The following MCF2 variants were observed in gnomAD, a reference collection of about 807,000 sequenced individuals.
MCF2 encodes MCF.2 cell line derived transforming sequence, also known as proto-oncogene DBL.
In MCF2, 44 loss-of-function variants were observed where a neutral mutation model predicts 82.5. That is an observed-to-expected ratio of 0.53 (90% CI 0.42 to 0.69). The LOEUF (loss-of-function observed/expected upper bound fraction) is 0.69, where lower values mean the gene tolerates loss of function less well. Among genes scored for constraint, MCF2 ranks in the 30% least tolerant of loss-of-function variants. The pLI is 0.00. For missense variants in MCF2, 623 were observed against 663.1 expected (o/e 0.94, Z 0.66); for synonymous variants, 217 against 224.9 (o/e 0.96, Z 0.32).
At position 139,695,147 on chromosome X, in the gene MCF2, C is replaced by T. The variant is rs372588373; in HGVS notation, c.-45+12959G>A. Among the ~76,000 whole-genome samples the T allele has an allele frequency of 2.8e-5, 3 of 109,080 alleles. No homozygotes were observed. The East Asian group carries it at 8.8e-4, about 32-fold the overall frequency. 94.7% of individuals were successfully genotyped at this position (109,080 alleles called of 115,157 possible). A position where few individuals can be genotyped will look rare whatever the true frequency, so the allele number is the denominator to read the frequency against. ...CTGGGTTCAAGCAATTCTGCTGCCT[C>T]AGCCTCCTGAGTAGCTGGGATTACA... On this transcript the variant is annotated intron_variant, in intron 1 of 27. Coordinates refer to the MCF2 transcript ENST00000414978.
At chrX:139,626,681 C>G (rs1334840666) in exon 5 of MCF2, 1 of 1,205,990 alleles carries the variant, frequency 8.3e-7, no homozygotes, top group Admixed American at 2.2e-5. Context: ...CTTGAACTGA[C>G]AGCTCCTTCA....
chrX:139,699,729 A>G (rs1011289662), intron 1 of MCF2, among the ~76,000 whole-genome samples: 9 of 112,189 alleles, frequency 8.0e-5, no homozygotes, highest in Admixed American at 2.8e-4. Context: ...GCTAGACCAT[A>G]TTTTGTTTAT....
intron 1 of MCF2, among the ~76,000 whole-genome samples, 168 bp downstream of exon 1, chrX:139,707,937 CT>C (rs1392404884): frequency 4.5e-5 from 5 of 111,654 alleles, no homozygotes; most frequent in African/African-American, 1.6e-4. Flanking sequence ...GCACTGTGTC[CT>C]GCAAATCATT....
chrX:139,628,305 G>A (rs1472186956), intron 4 of MCF2, among the ~76,000 whole-genome samples: 2 of 111,769 alleles, frequency 1.8e-5, no homozygotes, highest in South Asian at 3.8e-4. Flanking sequence ...AAAAAAGAAC[G>A]AGATCATGTC....
intron 7 of MCF2, among the ~76,000 whole-genome samples, chrX:139,619,001 T>C (rs972959501): frequency 1.8e-5 from 2 of 111,445 alleles, no homozygotes; most frequent in African/African-American, 6.5e-5. Flanking sequence ...TTACTCAAGG[T>C]CACAGATAGT....
intron 6 of MCF2, among the ~76,000 whole-genome samples, chrX:139,622,146 C>T (rs1412497157): frequency 1.8e-5 from 2 of 112,053 alleles, no homozygotes; most frequent in Non-Finnish European, 3.8e-5. Context: ...TCATCACTGG[C>T]CATCAGAGAA....
intron 2 of MCF2, among the ~76,000 whole-genome samples, chrX:139,651,021 C>T (rs1447108211): frequency 5.4e-5 from 6 of 110,657 alleles, no homozygotes; most frequent in Non-Finnish European, 1.1e-4. Flanking sequence ...TTGACAGGGG[C>T]TAGAGAGAGG....
At chrX:139,683,652 T>C (rs939636138) in intron 1 of MCF2, among the ~76,000 whole-genome samples, 2 of 112,448 alleles carry the variant, frequency 1.8e-5, no homozygotes, top group Non-Finnish European at 3.8e-5. Flanking sequence ...TGGGAAATAA[T>C]TGAAAGTCCA....
At chrX:139,660,443 G>T (rs1016323825) in intron 1 of MCF2, among the ~76,000 whole-genome samples, 1 of 112,345 alleles carries the variant, frequency 8.9e-6, no homozygotes, top group African/African-American at 3.2e-5. Context: ...GTGCAGGACA[G>T]ATAAAATTAG....
intron 19 of MCF2, among the ~76,000 whole-genome samples, chrX:139,593,814 A>C (rs1929760835): frequency 9.0e-6 from 1 of 111,170 alleles, no homozygotes; most frequent in South Asian, 3.8e-4. Context: ...GAAATATTAT[A>C]TCTAGAAAAC....
intron 7 of MCF2, among the ~76,000 whole-genome samples, chrX:139,619,108 T>A (rs1319332120): frequency 1.8e-5 from 2 of 111,278 alleles, no homozygotes; most frequent in Non-Finnish European, 3.8e-5. Flanking sequence ...TATGTTCCCA[T>A]CATTTCCAAG....
At chrX:139,701,170 G>C (rs1269888158) in intron 1 of MCF2, among the ~76,000 whole-genome samples, 1 of 111,203 alleles carries the variant, frequency 9.0e-6, no homozygotes, top group East Asian at 2.8e-4. Flanking sequence ...CCTCCTCTTG[G>C]TCACCCTAAA....
chrX:139,623,963 A>G (rs943778725), intron 6 of MCF2, among the ~76,000 whole-genome samples: 1 of 111,387 alleles, frequency 9.0e-6, no homozygotes, highest in African/African-American at 3.3e-5. Context: ...TTTTTATGAG[A>G]AGGAGGATAT....
At chrX:139,604,129 C>A (rs1435572810) in intron 15 of MCF2, among the ~76,000 whole-genome samples, 1 of 110,577 alleles carries the variant, frequency 9.0e-6, no homozygotes, top group Non-Finnish European at 1.9e-5. Flanking sequence ...TTGTATTAAC[C>A]ATACTTGGGA....
chrX:139,589,526 T>G (rs908875384), intron 20 of MCF2, among the ~76,000 whole-genome samples: 1 of 111,454 alleles, frequency 9.0e-6, no homozygotes, highest in African/African-American at 3.3e-5. Flanking sequence ...AACTCAGAAC[T>G]ATTATAATTC....
chrX:139,596,809 G>A (rs1185713782), intron 18 of MCF2, 39 bp from the exon 23 acceptor site: 1 of 915,486 alleles, frequency 1.1e-6, no homozygotes, highest in East Asian at 3.1e-5. Flanking sequence ...AGAAAGCAAA[G>A]CTACATTCAG....
intron 10 of MCF2, among the ~76,000 whole-genome samples, chrX:139,612,191 C>A (rs1323686470): frequency 6.3e-5 from 7 of 110,362 alleles, no homozygotes; most frequent in Non-Finnish European, 1.1e-4. Context: ...GAGGAGGAAC[C>A]AAGGTCCCAG....
At chrX:139,586,241 C>T (rs1331701378) in intron 23 of MCF2, 137 bp downstream of exon 27, 1 of 468,612 alleles carries the variant, frequency 2.1e-6, no homozygotes, top group African/African-American at 2.4e-5. Flanking sequence ...ATATGCAAGA[C>T]ATGAGAGCCT....
At chrX:139,620,377 T>A (rs773308566) in intron 6 of MCF2, among the ~76,000 whole-genome samples, 10 of 111,149 alleles carry the variant, frequency 9.0e-5, no homozygotes, top group Admixed American at 2.9e-4. Context: ...AGAACACTAA[T>A]AAATTATAAA....
Sources: allele counts gnomAD v4.1 joint callset (sites outside exome capture counted in the v4.1 genomes callset), GRCh38; gene constraint gnomAD v4.1.1; transcripts MANE v1.5; gene names NCBI Gene and HGNC (gene_info 2026-07-23, HGNC 2026-07-21).